IPO7: variants seen among roughly 807,000 people sequenced by gnomAD.
IPO7 encodes importin 7.
In IPO7, 13 loss-of-function variants were observed where a neutral mutation model predicts 136.4. The ratio of observed to expected loss-of-function variants is 0.10; its 90% confidence interval spans 0.06 to 0.15. The LOEUF is 0.15. IPO7 is among the 10% of genes least tolerant of loss of function. The pLI, the probability that IPO7 is intolerant of heterozygous loss-of-function variation, is 1.00. For missense variants in IPO7, 857 were observed against 1,240.6 expected, an observed-to-expected ratio of 0.69 and a Z score of 4.65; for synonymous variants, 403 against 404.4, an observed-to-expected ratio of 1.00 and a Z score of 0.04.
chr11:9,405,072 A>G (rs1408102045), intron 2 of IPO7, among the ~76,000 whole-genome samples: 1 of 152,198 alleles, frequency 6.6e-6, no homozygotes, highest in Non-Finnish European at 1.5e-5. Context: ...AATTAATTAA[A>G]TAACCTGGAC....
At chr11:9,417,928 G>C (rs1855064869) in intron 6 of IPO7, among the ~76,000 whole-genome samples, 1 of 151,922 alleles carries the variant, frequency 6.6e-6, no homozygotes, top group African/African-American at 2.4e-5. Flanking sequence ...GGCCAGGCTG[G>C]TCTCAAACTT....
intron 1 of IPO7, among the ~76,000 whole-genome samples, chr11:9,397,341 A>AAAAATATATATATATATATAT: frequency 5.6e-4 from 6 of 10,762 alleles, no homozygotes; most frequent in Admixed American, 2.1e-3. Flanking sequence ...TTTAAAAAAA[A>AAAAATATATATATATATATAT]ATATATATAT....
chr11:9,417,835 C>G (rs923135409), intron 6 of IPO7, among the ~76,000 whole-genome samples: 1 of 150,916 alleles, frequency 6.6e-6, no homozygotes, highest in African/African-American at 2.4e-5. Context: ...GCCTCAGCCT[C>G]TCAAGTAGCT....
At position 9,438,045 on chromosome 11, in the gene IPO7, GTTTTTTTTTTTTTTTTTTT is replaced by G. The variant is rs202038310; in HGVS notation, c.2490-21_2490-3del. ...TCTGCTTATTTAAGAAAAGAAAACA[GTTTTTTTTTTTTTTTTTTT>G]TTTTTTTTTTTTTAGGCTTCATGAC... On this transcript the variant is annotated splice_polypyrimidine_tract_variant and intron_variant, in intron 21 of 24. Transcript: ENST00000379719. The G allele has an allele frequency of 2.7e-5, 30 of 1,093,628 alleles. No individual in the cohort carries two copies. Among genetic ancestry groups the G allele is most frequent in the East Asian group, 2.2e-4 (6 of 27,716 alleles). The allele number at this position is 1,093,628 out of a possible 1,614,324, so 67.7% of individuals were successfully genotyped here.
chr11:9,390,364 G>T (rs1456346004), intron 1 of IPO7, among the ~76,000 whole-genome samples: 1 of 151,146 alleles, frequency 6.6e-6, no homozygotes, highest in East Asian at 1.9e-4. Context: ...AACTATTACT[G>T]CTGTATGTGA....
intron 19 of IPO7, 90 bp downstream of exon 19, chr11:9,435,121 ATAAACATG>A: frequency 1.3e-6 from 1 of 788,776 alleles, no homozygotes; most frequent in Non-Finnish European, 2.2e-6. Flanking sequence ...CATTGTAGTA[ATAAACATG>A]TAAACATGGA....
In IPO7 at chr11:9,440,035, C is replaced by G. The variant is rs117090378; in HGVS notation, c.2696-420C>G. Among the ~76,000 whole-genome samples, 1,206 of 152,204 alleles carry G rather than the reference C, an allele frequency of 7.9e-3. 6 individuals are homozygous for G. Among genetic ancestry groups the G allele is most frequent in the Non-Finnish European group, 0.014 (967 of 68,012 alleles). The stretch of plus-strand genomic sequence containing the variant: ...TTAAATGTTGATAAATACATTTTAT[C>G]TATAAGACTGTACACTATCAGTGTA... On this transcript the variant is annotated intron_variant, in intron 22 of 24. Transcript: ENST00000379719.
At chr11:9,415,859 A>G (rs532107617) in intron 5 of IPO7, among the ~76,000 whole-genome samples, 2 of 152,196 alleles carry the variant, frequency 1.3e-5, no homozygotes, top group East Asian at 1.9e-4. Context: ...AAAAAAGAAA[A>G]AAAAGAAATG....
At chr11:9,403,853 T>C (rs971659759) in intron 2 of IPO7, among the ~76,000 whole-genome samples, 3 of 152,154 alleles carry the variant, frequency 2.0e-5, no homozygotes, top group Non-Finnish European at 4.4e-5. Context: ...AATAATGTAG[T>C]GTACATTTTT....
chr11:9,417,319 T>C (rs1855054946), intron 6 of IPO7, among the ~76,000 whole-genome samples, 171 bp downstream of exon 6: 1 of 152,204 alleles, frequency 6.6e-6, no homozygotes, highest in Non-Finnish European at 1.5e-5. Flanking sequence ...ATTACATCTG[T>C]ACATTTACTT....
intron 9 of IPO7, 35 bp downstream of exon 9, chr11:9,423,175 A>G: frequency 7.2e-7 from 1 of 1,390,574 alleles, no homozygotes; most frequent in Non-Finnish European, 9.9e-7. Flanking sequence ...TTTATAGTAA[A>G]TATAATAGAA....
At chr11:9,414,494 T>C in intron 5 of IPO7, 83 bp downstream of exon 5, 1 of 902,690 alleles carries the variant, frequency 1.1e-6, no homozygotes, top group Non-Finnish European at 1.6e-6. Flanking sequence ...ATTTCAGCAT[T>C]TGAATAATAG....
At chr11:9,426,387 A>G (rs1855208608) in intron 12 of IPO7, among the ~76,000 whole-genome samples, 1 of 152,188 alleles carries the variant, frequency 6.6e-6, no homozygotes, top group South Asian at 2.1e-4. Context: ...ATATTTCATT[A>G]TATTAATATA....
intron 1 of IPO7, among the ~76,000 whole-genome samples, chr11:9,399,402 C>T (rs1854761402): frequency 6.6e-6 from 1 of 152,092 alleles, no homozygotes; most frequent in Non-Finnish European, 1.5e-5. Context: ...CTCAGGTGAT[C>T]CACCCGCCTC....
chr11:9,426,078 A>G lies in IPO7; in HGVS notation c.1335+816A>G, dbSNP rs908518246. On this transcript the variant is annotated intron_variant, in intron 12 of 24. Coordinates refer to ENST00000379719, the MANE Select transcript of IPO7 (RefSeq NM_006391.3). Reference sequence around the variant, plus strand: ...AAAAATAAAAAAATAAAAAATAACAACCTTATGGAGTGTACAACTCAGTGG... The same window carrying G: ...AAAAATAAAAAAATAAAAAATAACAGCCTTATGGAGTGTACAACTCAGTGG... Among the ~76,000 whole-genome samples the G allele has an allele frequency of 5.9e-5, 9 of 152,006 alleles. No individual in the cohort carries two copies. In the East Asian group the frequency reaches 1.7e-3, roughly 29 times the overall value.
At chr11:9,429,858 T>C (rs1261146336) in intron 15 of IPO7, 24 bp downstream of exon 15, 3 of 1,539,472 alleles carry the variant, frequency 1.9e-6, no homozygotes, top group South Asian at 2.4e-5. Flanking sequence ...ACCTACCATA[T>C]TTGCAAGCAT....
rs761757467 is a variant in IPO7 at position 9,408,574 on chromosome 11, A to G, written c.255A>G (p.Glu85=). 1 of 1,611,554 alleles carries G rather than the reference A, an allele frequency of 6.2e-7. No individual in the cohort carries two copies. Among genetic ancestry groups the G allele is most frequent in the Non-Finnish European group, 8.5e-7 (1 of 1,178,326 alleles). Residue 85 remains glutamate, a synonymous_variant, in exon 3 of 25, where the codon GAA becomes GAG. Coordinates refer to ENST00000379719, the MANE Select transcript of IPO7 (RefSeq NM_006391.3). ...ATATATCCCCTTATACTATTCCAGA[A>G]GAAGATCGCCATTGTATTCGAGAAA... The part of the protein sequence containing the change: ...PGDISPYTIP[E]EDRHCIRENI...
intron 18 of IPO7, 143 bp from the exon 19 acceptor site, chr11:9,434,791 G>A: frequency 1.5e-6 from 1 of 667,748 alleles, no homozygotes; most frequent in East Asian, 2.7e-5. Flanking sequence ...CAGAGTGAGA[G>A]TGTCCCCCCT....
intron 4 of IPO7, among the ~76,000 whole-genome samples, chr11:9,410,305 A>G (rs1854950504): frequency 6.6e-6 from 1 of 152,046 alleles, no homozygotes; most frequent in Non-Finnish European, 1.5e-5. Flanking sequence ...TTTTTTCTTA[A>G]TCACCGTCTC....
Sources: gnomAD v4.1 joint callset for allele counts (sites outside exome capture counted in the v4.1 genomes callset) on GRCh38, gnomAD v4.1.1 for gene constraint, MANE v1.5 for transcripts, NCBI Gene and HGNC (gene_info 2026-07-23, HGNC 2026-07-21) for gene names.